EML2: variants seen among roughly 807,000 people sequenced by gnomAD.
The protein encoded by EML2 is echinoderm microtubule-associated protein-like 2.
In EML2, 59 loss-of-function variants were observed where a neutral mutation model predicts 84.7. That is an observed-to-expected ratio of 0.70 (90% confidence interval 0.56 to 0.86). The LOEUF (loss-of-function observed/expected upper bound fraction) is 0.86, where lower values mean the gene tolerates loss of function less well. Ranked by LOEUF, EML2 falls within the 40% of genes least tolerant of loss-of-function variation. The pLI, the probability that EML2 is intolerant of heterozygous loss-of-function variation, is 0.00. For missense variants in EML2, 818 were observed against 855.6 expected, an observed-to-expected ratio of 0.96 and a Z score of 0.55; for synonymous variants, 352 against 348.9, an observed-to-expected ratio of 1.01 and a Z score of -0.10.
chr19:45,639,414 C>A (rs1457646994), upstream of EML2: 1 of 1,251,676 alleles, frequency 8.0e-7, no homozygotes, highest in African/African-American at 1.6e-5. Flanking sequence ...GGGGGTGGAG[C>A]CGGGACCGGC....
chr19:45,632,496 TA>T lies in EML2; in HGVS notation c.510+364del, dbSNP rs950003511. The T allele has an allele frequency of 9.6e-3, 1,718 of 179,702 alleles. 23 individuals carry two copies. Among genetic ancestry groups the T allele is most frequent in the African/African-American group, 0.035 (1,448 of 41,692 alleles). 11.1% of individuals were successfully genotyped at this position (179,702 alleles called of 1,614,324 possible). ...GCCCAGCCAAAATAGGATTTTTTTT[TA>T]AAAAAAAGCCCACAATCACACACTT... On this transcript the variant is annotated intron_variant, in intron 6 of 18. Transcript: ENST00000245925.
upstream of EML2, chr19:45,645,186 TG>T: frequency 7.2e-7 from 1 of 1,396,578 alleles, no homozygotes; most frequent in Non-Finnish European, 9.6e-7. Flanking sequence ...GGGAGGGGGT[TG>T]GGGACTTGCA....
At chr19:45,621,404 G>C in intron 10 of EML2, 72 bp from the exon 11 acceptor site, 1 of 1,572,566 alleles carries the variant, frequency 6.4e-7, no homozygotes, top group Non-Finnish European at 8.6e-7. Context: ...ACTGTGGGGA[G>C]GAGGGTCTGG....
chr19:45,617,269 G>A (rs1568440292), intron 13 of EML2, among the ~76,000 whole-genome samples: 1 of 151,468 alleles, frequency 6.6e-6, no homozygotes, highest in Non-Finnish European at 1.5e-5. Context: ...ACAAAACAAG[G>A]CCAGGTACAG....
At chr19:45,616,389 G>C in intron 15 of EML2, 72 bp downstream of exon 15, 1 of 1,167,562 alleles carries the variant, frequency 8.6e-7, no homozygotes, top group Non-Finnish European at 1.2e-6. Context: ...GCTCCCTTGA[G>C]GTAGAAAATT....
chr19:45,637,056 T>C, intron 3 of EML2, among the ~76,000 whole-genome samples: 1 of 152,260 alleles, frequency 6.6e-6, no homozygotes. Flanking sequence ...CTCAGCCACC[T>C]CTCATCAGAT....
upstream of EML2, chr19:45,640,574 C>A (rs574815211): frequency 6.6e-6 from 1 of 152,182 alleles, no homozygotes; most frequent in East Asian, 1.9e-4. Context: ...CAGGCACGCG[C>A]CACCACGCCC....
At chr19:45,638,436 T>A in intron 3 of EML2, 69 bp downstream of exon 3, 7 of 1,606,676 alleles carry the variant, frequency 4.4e-6, no homozygotes, top group Non-Finnish European at 5.9e-6. Context: ...AGGCCTGAGC[T>A]GCCTTGACCG....
chr19:45,636,580 G>GC (rs1427495739), intron 3 of EML2, among the ~76,000 whole-genome samples: 1 of 152,162 alleles, frequency 6.6e-6, no homozygotes, highest in Non-Finnish European at 1.5e-5. Flanking sequence ...TAGACTGTAT[G>GC]CCCCAGGAGG....
At chr19:45,622,671 T>C (rs1057049804) in intron 9 of EML2, among the ~76,000 whole-genome samples, 7 of 152,276 alleles carry the variant, frequency 4.6e-5, no homozygotes, top group African/African-American at 1.4e-4. Context: ...ACTCAAGTGA[T>C]CTGCCTGCTT....
chr19:45,632,773 C>G, intron 6 of EML2, 88 bp downstream of exon 6: 3 of 1,195,004 alleles, frequency 2.5e-6, no homozygotes, highest in Non-Finnish European at 3.6e-6. Context: ...ATTCCCGGCC[C>G]TCAACCCAAG....
chr19:45,618,149 C>T (rs868198233), intron 12 of EML2, among the ~76,000 whole-genome samples: 2 of 151,966 alleles, frequency 1.3e-5, no homozygotes, highest in Admixed American at 6.6e-5. Context: ...CTACAACCTC[C>T]GCCTCCTGGG....
intron 6 of EML2, 107 bp downstream of exon 6, chr19:45,632,754 T>C (rs1600186146): frequency 1.0e-6 from 1 of 967,312 alleles, no homozygotes; most frequent in Non-Finnish European, 1.6e-6. Context: ...GGGCCACGCC[T>C]CCAGCAGGAT....
At chr19:45,639,014 G>T (rs1974119855) in intron 1 of EML2, 141 bp from the exon 2 acceptor site, 2 of 995,618 alleles carry the variant, frequency 2.0e-6, no homozygotes, top group Non-Finnish European at 3.2e-6. Context: ...CTGCCTCTCT[G>T]CAGGCCGTGT....
chr19:45,637,667 C>CTTTTTTTTTTTTTTTTTTT (rs58180181), intron 3 of EML2, among the ~76,000 whole-genome samples: 1 of 48,894 alleles, frequency 2.0e-5, no homozygotes, highest in Non-Finnish European at 4.0e-5. Flanking sequence ...TTTTTCTTTT[C>CTTTTTTTTTTTTTTTTTTT]TTTTTTTTTT....
At position 45,624,714 on chromosome 19, in the gene EML2, C is replaced by T; in HGVS notation, c.841+5G>A. On this transcript the variant is annotated splice_donor_5th_base_variant and intron_variant, in intron 9 of 18. Coordinates refer to ENST00000245925, the MANE Select transcript of EML2 (RefSeq NM_012155.4). ...TGGGAACCAAACAGATGGGGTGACA[C>T]TGACCTTTGCCCCAAACATAGAGGT... 6.2e-7 allele frequency: 1 copy of T among 1,611,838 alleles called. No homozygotes were observed. Among genetic ancestry groups the T allele is most frequent in the South Asian group, 1.1e-5 (1 of 90,910 alleles).
chr19:45,613,204 C>T (rs1299332056), intron 18 of EML2, among the ~76,000 whole-genome samples: 1 of 152,104 alleles, frequency 6.6e-6, no homozygotes. Context: ...TGGCCTTGGC[C>T]TCCCTTAAAA....
At chr19:45,633,229 T>A in intron 4 of EML2, 90 bp from the exon 5 acceptor site, 1 of 1,311,320 alleles carries the variant, frequency 7.6e-7, no homozygotes, top group Middle Eastern at 1.8e-4. Flanking sequence ...AATTGGCTGG[T>A]TGAGTTTAGT....
intron 18 of EML2, among the ~76,000 whole-genome samples, chr19:45,613,064 A>T (rs1970657085): frequency 6.6e-6 from 1 of 151,866 alleles, no homozygotes; most frequent in Non-Finnish European, 1.5e-5. Flanking sequence ...TGCCCAGCTA[A>T]TTTTGTGTGT....
Sources: gnomAD v4.1 joint callset for allele counts (sites outside exome capture counted in the v4.1 genomes callset) on GRCh38, gnomAD v4.1.1 for gene constraint, MANE v1.5 for transcripts, NCBI Gene and HGNC (gene_info 2026-07-23, HGNC 2026-07-21) for gene names.